The following LAMA2 variants were observed in gnomAD, a reference collection of about 807,000 sequenced individuals.
The protein encoded by LAMA2 is laminin subunit alpha-2.
LAMA2 carries 269 observed loss-of-function variants against 364.8 expected under a neutral mutation model. The ratio of observed to expected loss-of-function variants is 0.74; its 90% CI spans 0.67 to 0.82. The LOEUF is 0.82. Among genes scored for constraint, LAMA2 ranks in the 40% least tolerant of loss-of-function variants. The pLI is 0.00. For synonymous variants in LAMA2, 1,379 were observed against 1,370.6 expected (o/e 1.01, Z -0.14); for missense variants, 3,807 against 3,873.2 (o/e 0.98, Z 0.45).
At chr6:129,432,334 G>A (rs1583735226) in intron 41 of LAMA2, among the ~76,000 whole-genome samples, 2 of 152,318 alleles carry the variant, frequency 1.3e-5, no homozygotes, top group East Asian at 3.9e-4. Context: ...GGCAAATATA[G>A]AGGGGCAGGT....
chr6:129,038,107 T>A (rs1273601980), intron 1 of LAMA2, among the ~76,000 whole-genome samples: 1 of 152,174 alleles, frequency 6.6e-6, no homozygotes, highest in Non-Finnish European at 1.5e-5. Context: ...CATTAAAAAA[T>A]AACTAGATGG....
chr6:129,473,453 A>G lies in LAMA2; in HGVS notation c.7439+101A>G, dbSNP rs1292180172. The G allele has an allele frequency of 6.7e-6, 8 of 1,185,850 alleles. No homozygotes were observed. In the South Asian group the frequency reaches 1.0e-4, roughly 15 times the overall value. 73.5% of individuals were successfully genotyped at this position (1,185,850 alleles called of 1,614,324 possible). A position where few individuals can be genotyped will look rare whatever the true frequency, so the allele number is the denominator to read the frequency against. On this transcript the variant is annotated intron_variant, in intron 52 of 64. Transcript: ENST00000421865. Reference sequence around the variant, plus strand: ...TTAATTACAATAAGAATGTCATATAACCCTTGGTTGCAGAAAGGCCTAATC... The same window carrying G: ...TTAATTACAATAAGAATGTCATATAGCCCTTGGTTGCAGAAAGGCCTAATC...
Position 129,193,755 on chromosome 6 carries a change from G to A in LAMA2, c.1782+902G>A, listed in dbSNP as rs182933375. Among the ~76,000 whole-genome samples, 19 of 152,264 alleles carry A rather than the reference G, an allele frequency of 1.2e-4. No homozygotes were observed. The East Asian group carries it at 3.5e-3, about 28-fold the overall frequency. On this transcript the variant is annotated intron_variant, in intron 12 of 64. Transcript: ENST00000421865. The stretch of plus-strand genomic sequence containing the variant: ...CCTAACAAAATATAGCATTATTTAT[G>A]AAGAAATCATAATTGATTAAGCAAA...
intron 4 of LAMA2, among the ~76,000 whole-genome samples, chr6:129,132,102 C>T (rs1194786444): frequency 2.6e-5 from 4 of 151,898 alleles, no homozygotes; most frequent in Admixed American, 2.6e-4. Context: ...ATCCCCAGAG[C>T]AACAGCCTCA....
chr6:129,419,668 C>G (rs1014016677), intron 40 of LAMA2, among the ~76,000 whole-genome samples: 1 of 152,156 alleles, frequency 6.6e-6, no homozygotes, highest in Non-Finnish European at 1.5e-5. Flanking sequence ...AAAATTCACA[C>G]TCACGAATTT....
intron 2 of LAMA2, among the ~76,000 whole-genome samples, chr6:129,056,788 T>A (rs921015426): frequency 1.7e-4 from 26 of 152,176 alleles, no homozygotes; most frequent in Non-Finnish European, 2.9e-4. Context: ...TGGAGTGCAA[T>A]GGCGTGATCT....
At chr6:129,418,890 T>C (rs1780931747) in intron 40 of LAMA2, among the ~76,000 whole-genome samples, 1 of 152,188 alleles carries the variant, frequency 6.6e-6, no homozygotes. Context: ...CAGATAAAAG[T>C]GGTATATATT....
chr6:129,436,608 C>T (rs1024143031), intron 41 of LAMA2, among the ~76,000 whole-genome samples: 4 of 152,020 alleles, frequency 2.6e-5, no homozygotes, highest in Non-Finnish European at 4.4e-5. Flanking sequence ...AAACCAAATA[C>T]ATGTCTATTT....
intron 45 of LAMA2, among the ~76,000 whole-genome samples, chr6:129,450,848 T>G (rs1301734031): frequency 6.6e-6 from 1 of 152,210 alleles, no homozygotes; most frequent in African/African-American, 2.4e-5. Flanking sequence ...CTTGATTTCT[T>G]GTTCACTTTG....
intron 7 of LAMA2, among the ~76,000 whole-genome samples, chr6:129,150,197 G>A (rs1277848179): frequency 6.6e-6 from 1 of 152,162 alleles, no homozygotes; most frequent in Non-Finnish European, 1.5e-5. Flanking sequence ...CACCATGCAT[G>A]GTAGGGGACC....
intron 40 of LAMA2, among the ~76,000 whole-genome samples, chr6:129,425,079 G>A (rs1781260525): frequency 6.6e-6 from 1 of 152,034 alleles, no homozygotes; most frequent in Non-Finnish European, 1.5e-5. Flanking sequence ...CAAACCTACA[G>A]TGATGGAAAG....
intron 34 of LAMA2, among the ~76,000 whole-genome samples, chr6:129,377,785 C>T (rs562686338): frequency 9.2e-5 from 14 of 152,264 alleles, no homozygotes; most frequent in African/African-American, 3.4e-4. Flanking sequence ...AAATGAAACA[C>T]ACTGGTCATA....
chr6:128,992,226 A>T (rs2114662266), intron 1 of LAMA2, among the ~76,000 whole-genome samples: 1 of 152,314 alleles, frequency 6.6e-6, no homozygotes, highest in African/African-American at 2.4e-5. Flanking sequence ...GCAACTGATC[A>T]CCCAGTATCA....
chr6:128,945,025 G>A (rs1258877251), intron 1 of LAMA2, among the ~76,000 whole-genome samples: 1 of 152,148 alleles, frequency 6.6e-6, no homozygotes, highest in Non-Finnish European at 1.5e-5. Flanking sequence ...GAGAAAGAGT[G>A]GAGGTAGCTC....
intron 1 of LAMA2, among the ~76,000 whole-genome samples, chr6:129,011,296 C>T (rs1231984467): frequency 6.6e-6 from 1 of 152,182 alleles, no homozygotes; most frequent in African/African-American, 2.4e-5. Context: ...CTGAAATTAA[C>T]CACATACATC....
chr6:129,012,651 C>T (rs6912990), intron 1 of LAMA2, among the ~76,000 whole-genome samples: 7,904 of 152,160 alleles, frequency 0.052, 678 homozygotes, highest in African/African-American at 0.18. Context: ...TATTCTGTAT[C>T]TTTTTTCTGG....
At chr6:129,330,598 G>GTTTTTTTTTTTTTT (rs1554273762) in intron 29 of LAMA2, among the ~76,000 whole-genome samples, 1 of 88,680 alleles carries the variant, frequency 1.1e-5, no homozygotes, top group Non-Finnish European at 2.3e-5. Context: ...TTTGGTTTTT[G>GTTTTTTTTTTTTTT]TTTTTTTTTT....
intron 1 of LAMA2, among the ~76,000 whole-genome samples, chr6:128,890,660 A>G (rs566218061): frequency 1.3e-5 from 2 of 152,236 alleles, no homozygotes; most frequent in South Asian, 4.1e-4. Context: ...TAGTGTTTAC[A>G]TTCTTGGAAC....
chr6:129,361,724 G>A (rs571406589), intron 32 of LAMA2, among the ~76,000 whole-genome samples: 9 of 151,790 alleles, frequency 5.9e-5, no homozygotes, highest in African/African-American at 1.9e-4. Flanking sequence ...GATTCAAGGG[G>A]AAGGGAAGTA....
Sources: gnomAD v4.1 joint callset for allele counts (sites outside exome capture counted in the v4.1 genomes callset) on GRCh38, gnomAD v4.1.1 for gene constraint, MANE v1.5 for transcripts, NCBI Gene and HGNC (gene_info 2026-07-23, HGNC 2026-07-21) for gene names.